GLG1: variants seen among roughly 807,000 people sequenced by gnomAD.
GLG1 encodes the protein golgi glycoprotein 1.
In GLG1, 38 loss-of-function variants were observed where a neutral mutation model predicts 160.5. That is an observed-to-expected ratio of 0.24 (90% CI 0.18 to 0.31). GLG1 has a LOEUF of 0.31. GLG1 is among the 10% of genes least tolerant of loss of function. The pLI is 1.00. For synonymous variants in GLG1, 644 were observed against 543.4 expected (o/e 1.19, Z -2.57); for missense variants, 1,373 against 1,505.2 (o/e 0.91, Z 1.45).
intron 15 of GLG1, 122 bp downstream of exon 15, chr16:74,471,051 C>T (rs1206577570): frequency 4.2e-6 from 3 of 711,412 alleles, no homozygotes; most frequent in African/African-American, 1.7e-5. Context: ...GCCACCACGC[C>T]TGGCTGGAAA....
chr16:74,500,705 G>C (rs1273887915), intron 4 of GLG1, among the ~76,000 whole-genome samples: 2 of 152,064 alleles, frequency 1.3e-5, no homozygotes, highest in Admixed American at 1.3e-4. Context: ...GCTACCGAGA[G>C]AAAAGCATAA....
intron 6 of GLG1, among the ~76,000 whole-genome samples, chr16:74,494,160 A>G (rs893246846): frequency 3.3e-5 from 4 of 122,012 alleles, no homozygotes; most frequent in African/African-American, 1.2e-4. Context: ...GGTGACAGAG[A>G]AAGACTCCAC....
Position 74,452,837 on chromosome 16 carries a change from GCC to G in GLG1, c.*328_*329del. On this transcript the variant is annotated 3_prime_UTR_variant, in exon 26 of 26. Coordinates refer to ENST00000422840, the MANE Select transcript of GLG1 (RefSeq NM_001145667.2). ...TTTTTTTGGTGGTTTTCTTAAAAAA[GCC>G]TTTGAGTTGCAGGTCAGGTGAGTTG... The G allele has an allele frequency of 9.5e-7, 1 of 1,047,850 alleles. No homozygotes were observed. Among genetic ancestry groups the G allele is most frequent in the Non-Finnish European group, 1.1e-6 (1 of 871,300 alleles). 64.9% of individuals were successfully genotyped at this position (1,047,850 alleles called of 1,614,324 possible). A position where few individuals can be genotyped will look rare whatever the true frequency, so the allele number is the denominator to read the frequency against.
rs2014840745 is a variant in GLG1, at chr16:74,462,485, T to G, written c.2934+3A>C. On this transcript the variant is annotated splice_donor_region_variant and intron_variant, in intron 21 of 25. Transcript: ENST00000422840. Reference sequence around the variant, plus strand: ...CCTTTGTGGAGAGCCCAGGCCAGTTTACCTGGTCAGCATATCTCAGCTTCA... The same window carrying G: ...CCTTTGTGGAGAGCCCAGGCCAGTTGACCTGGTCAGCATATCTCAGCTTCA... 6.2e-7 allele frequency: 1 copy of G among 1,612,782 alleles called. No homozygotes were observed. The highest frequency in any genetic ancestry group is 1.3e-5 in the African/African-American group (1 of 74,896).
chr16:74,510,664 G>A (rs1022671382), intron 2 of GLG1, among the ~76,000 whole-genome samples: 12 of 152,130 alleles, frequency 7.9e-5, no homozygotes, highest in Non-Finnish European at 1.0e-4. Flanking sequence ...GCTTGGCAAT[G>A]CGTTTCACAG....
At chr16:74,558,268 T>C (rs1230670043) in intron 1 of GLG1, among the ~76,000 whole-genome samples, 2 of 152,206 alleles carry the variant, frequency 1.3e-5, no homozygotes, top group Non-Finnish European at 2.9e-5. Context: ...TGCATCTCTG[T>C]GAAATTATTA....
chr16:74,508,486 C>T (rs985064209), intron 3 of GLG1, among the ~76,000 whole-genome samples: 3 of 152,144 alleles, frequency 2.0e-5, no homozygotes, highest in Non-Finnish European at 4.4e-5. Context: ...GATCCAGCTG[C>T]ATAGCCAAAA....
chr16:74,588,833 C>T (rs1958108141), intron 1 of GLG1, among the ~76,000 whole-genome samples: 1 of 151,914 alleles, frequency 6.6e-6, no homozygotes, highest in African/African-American at 2.4e-5. Context: ...TCAAGAGCTA[C>T]AAATAAGATT....
chr16:74,526,001 A>C (rs1305292921), intron 2 of GLG1, among the ~76,000 whole-genome samples: 2 of 152,222 alleles, frequency 1.3e-5, no homozygotes, highest in Non-Finnish European at 2.9e-5. Context: ...TACAAAATAG[A>C]GACAGAGCAA....
intron 10 of GLG1, 76 bp from the exon 11 acceptor site, chr16:74,480,470 A>C: frequency 1.8e-6 from 2 of 1,086,422 alleles, no homozygotes; most frequent in South Asian, 1.5e-5. Context: ...GGTTTTTATG[A>C]GGTGTTTGCT....
At chr16:74,578,710 T>C (rs1305305089) in intron 1 of GLG1, among the ~76,000 whole-genome samples, 1 of 152,196 alleles carries the variant, frequency 6.6e-6, no homozygotes, top group East Asian at 1.9e-4. Context: ...TAGGAGTATG[T>C]TCTGAAGGCT....
intron 2 of GLG1, among the ~76,000 whole-genome samples, chr16:74,524,569 G>A (rs908890940): frequency 6.6e-6 from 1 of 151,068 alleles, no homozygotes; most frequent in Non-Finnish European, 1.5e-5. Flanking sequence ...ATCCTTTAGA[G>A]TATTTACTGA....
intron 1 of GLG1, among the ~76,000 whole-genome samples, chr16:74,570,443 C>T (rs975540728): frequency 1.3e-5 from 2 of 151,756 alleles, no homozygotes; most frequent in Non-Finnish European, 2.9e-5. Flanking sequence ...AAAATGAAAG[C>T]CAAAAGACAG....
At chr16:74,583,640 A>T (rs1050972557) in intron 1 of GLG1, among the ~76,000 whole-genome samples, 2 of 152,108 alleles carry the variant, frequency 1.3e-5, no homozygotes, top group Non-Finnish European at 2.9e-5. Flanking sequence ...TCAGCCTCCC[A>T]AAGTGCTGGG....
rs779224575 is a variant in GLG1 at position 74,459,693 on chromosome 16, A to G, written c.3133T>C (p.Leu1045=). 5 of 1,550,352 alleles carry G rather than the reference A, an allele frequency of 3.2e-6. No homozygotes were observed. Among genetic ancestry groups the G allele is most frequent in the East Asian group, 2.2e-5 (1 of 44,574 alleles). Residue 1045 remains leucine (L), a synonymous_variant, in exon 23 of 26, where the codon TTG becomes CTG. Coordinates refer to ENST00000422840, the MANE Select transcript of GLG1 (RefSeq NM_001145667.2). ...KVNLLKIKTE[L]CKKEVLNMLK... ...GTGACGGTGGTTACCTTTTTACACA[A>G]TTCTGTTTTGATCTTGAGCAGGTTG...
chr16:74,456,187 T>C (rs2014530561), intron 25 of GLG1, among the ~76,000 whole-genome samples: 1 of 152,186 alleles, frequency 6.6e-6, no homozygotes, highest in South Asian at 2.1e-4. Context: ...CTTTTGTCTT[T>C]GGGTGACTCA....
intron 4 of GLG1, among the ~76,000 whole-genome samples, chr16:74,498,474 T>TA (rs2016292470): frequency 6.0e-5 from 2 of 33,216 alleles, no homozygotes; most frequent in Non-Finnish European, 1.4e-4. Context: ...ATATTATATT[T>TA]TATATATATA....
chr16:74,465,885 T>G, intron 18 of GLG1, 72 bp from the exon 19 acceptor site: 3 of 1,304,984 alleles, frequency 2.3e-6, no homozygotes, highest in South Asian at 2.4e-5. Flanking sequence ...GATTGAAACA[T>G]TCAGCTCCAC....
chr16:74,492,280 G>C (rs1206425269), intron 7 of GLG1, among the ~76,000 whole-genome samples: 2 of 151,298 alleles, frequency 1.3e-5, no homozygotes, highest in Non-Finnish European at 2.9e-5. Context: ...AGCTATTCCA[G>C]AGGCTGAACT....
Sources: allele counts gnomAD v4.1 joint callset (sites outside exome capture counted in the v4.1 genomes callset), GRCh38; gene constraint gnomAD v4.1.1; transcripts MANE v1.5; gene names NCBI Gene and HGNC (gene_info 2026-07-23, HGNC 2026-07-21).